Variants in ATG16L1 observed in about 807,000 individuals in gnomAD.
ATG16L1 encodes autophagy-related protein 16-1.
ATG16L1 carries 37 observed loss-of-function variants against 88.5 expected under a neutral mutation model. The ratio of observed to expected loss-of-function variants is 0.42; its 90% CI spans 0.32 to 0.55. ATG16L1 has a LOEUF of 0.55. ATG16L1 is among the 20% of genes least tolerant of loss of function. The pLI is 0.13. For missense variants in ATG16L1, 554 were observed against 752.8 expected, an observed-to-expected ratio of 0.74 and a Z score of 3.09; for synonymous variants, 301 against 281.0, an observed-to-expected ratio of 1.07 and a Z score of -0.71.
chr2:233,279,073 G>A (rs1698558249), intron 10 of ATG16L1, among the ~76,000 whole-genome samples: 1 of 152,178 alleles, frequency 6.6e-6, no homozygotes, highest in South Asian at 2.1e-4. Flanking sequence ...AGCTTCCTGG[G>A]AAGCTGAAGT....
intron 1 of ATG16L1, among the ~76,000 whole-genome samples, chr2:233,252,282 T>A (rs1443601325): frequency 6.6e-6 from 1 of 152,230 alleles, no homozygotes; most frequent in Non-Finnish European, 1.5e-5. Context: ...GGTCGTTGAC[T>A]TTCAGTCGCA....
chr2:233,293,274 G>A lies in ATG16L1; in HGVS notation c.1647G>A (p.Val549=). The A allele has an allele frequency of 5.6e-6, 9 of 1,614,162 alleles. No homozygotes were observed. Among genetic ancestry groups the A allele is most frequent in the Non-Finnish European group, 7.6e-6 (9 of 1,180,008 alleles). Residue 549 remains valine, a synonymous_variant, in exon 17 of 18, where the codon GTG becomes GTA. Coordinates refer to ENST00000392017, the MANE Select transcript of ATG16L1 (RefSeq NM_030803.7). ...TCTGTAGCCCTGATGGCAGTTACGT[G>A]GCGGCAGGCTCTGCTGAGGGCTCTC... ...RVVFSPDGSY[V]AAGSAEGSLY... is the part of the protein sequence containing the mutation.
intron 2 of ATG16L1, among the ~76,000 whole-genome samples, chr2:233,257,554 T>C (rs1249389894): frequency 6.6e-6 from 1 of 152,228 alleles, no homozygotes; most frequent in Non-Finnish European, 1.5e-5. Context: ...AGGTGAGATG[T>C]ATTGAATGTA....
chr2:233,290,465 C>T (rs1574906125), intron 14 of ATG16L1, 112 bp downstream of exon 14: 1 of 843,698 alleles, frequency 1.2e-6, no homozygotes, highest in East Asian at 2.5e-5. Flanking sequence ...AGTTTCGGTA[C>T]ACGTATAGTG....
At chr2:233,252,147 T>C (rs1696417910) in intron 1 of ATG16L1, among the ~76,000 whole-genome samples, 1 of 152,260 alleles carries the variant, frequency 6.6e-6, no homozygotes, top group African/African-American at 2.4e-5. Context: ...CCCTATTAAA[T>C]TGTACGATCT....
At chr2:233,253,332 G>GTGT (rs1696521168) in intron 1 of ATG16L1, among the ~76,000 whole-genome samples, 1 of 112,890 alleles carries the variant, frequency 8.9e-6, no homozygotes, top group African/African-American at 3.3e-5. Context: ...GTGAGACTGG[G>GTGT]TTTTTTTGTT....
intron 1 of ATG16L1, among the ~76,000 whole-genome samples, chr2:233,254,067 A>G (rs1427706744): frequency 2.0e-5 from 3 of 152,224 alleles, no homozygotes; most frequent in South Asian, 2.1e-4. Flanking sequence ...TGCTGTGCAT[A>G]TAAGTGCTTT....
chr2:233,260,097 T>G (rs1574846612), intron 2 of ATG16L1, among the ~76,000 whole-genome samples: 1 of 152,188 alleles, frequency 6.6e-6, no homozygotes, highest in Non-Finnish European at 1.5e-5. Context: ...TCCTTTCCCC[T>G]CCTTCCTGTC....
At chr2:233,264,690 T>C (rs1697449939) in intron 4 of ATG16L1, among the ~76,000 whole-genome samples, 1 of 152,186 alleles carries the variant, frequency 6.6e-6, no homozygotes, top group Admixed American at 6.5e-5. Context: ...TTCCTTCACA[T>C]CGTGTTTTTC....
At chr2:233,258,834 G>A (rs1034123841) in intron 2 of ATG16L1, among the ~76,000 whole-genome samples, 2 of 152,096 alleles carry the variant, frequency 1.3e-5, no homozygotes, top group African/African-American at 2.4e-5. Flanking sequence ...GTAGCTGGGA[G>A]ACTATAGGTG....
chr2:233,255,943 T>C (rs1188026400), intron 1 of ATG16L1, among the ~76,000 whole-genome samples, 159 bp from the exon 2 acceptor site: 1 of 152,218 alleles, frequency 6.6e-6, no homozygotes, highest in Non-Finnish European at 1.5e-5. Flanking sequence ...CAGCTCCCTT[T>C]AATAGGGAAG....
At chr2:233,273,588 G>T (rs1459990591) in intron 7 of ATG16L1, 133 bp from the exon 8 acceptor site, 2 of 803,072 alleles carry the variant, frequency 2.5e-6, no homozygotes, top group Admixed American at 4.6e-5. Flanking sequence ...ACTGTGTTGG[G>T]TTTCTCTTGG....
chr2:233,273,888 A>T, intron 8 of ATG16L1, 111 bp downstream of exon 8: 1 of 1,506,796 alleles, frequency 6.6e-7, no homozygotes, highest in Non-Finnish European at 9.1e-7. Context: ...TGCAGAGTAT[A>T]CATATGCCTT....
chr2:233,266,516 A>G (rs895160633), intron 5 of ATG16L1, among the ~76,000 whole-genome samples: 1 of 152,212 alleles, frequency 6.6e-6, no homozygotes, highest in Non-Finnish European at 1.5e-5. Context: ...TCCCCATATC[A>G]GTAGTTTCGA....
intron 2 of ATG16L1, among the ~76,000 whole-genome samples, chr2:233,261,793 A>G (rs981600194): frequency 2.0e-5 from 3 of 152,206 alleles, no homozygotes; most frequent in African/African-American, 7.2e-5. Context: ...CTCTCGAACT[A>G]TAAATCCACA....
At chr2:233,292,003 C>A in intron 14 of ATG16L1, 125 bp from the exon 15 acceptor site, 2 of 1,113,716 alleles carry the variant, frequency 1.8e-6, no homozygotes, top group Non-Finnish European at 2.6e-6. Context: ...AGACTGGGAA[C>A]ACATTGACTG....
intron 1 of ATG16L1, 93 bp from the exon 2 acceptor site, chr2:233,256,009 A>T: frequency 1.0e-6 from 1 of 974,592 alleles, no homozygotes; most frequent in Non-Finnish European, 1.6e-6. Flanking sequence ...ATGTTCCTGT[A>T]TTGCATCCTT....
intron 12 of ATG16L1, among the ~76,000 whole-genome samples, chr2:233,285,544 A>G (rs1003505620): frequency 3.9e-5 from 6 of 152,146 alleles, no homozygotes; most frequent in Non-Finnish European, 7.4e-5. Context: ...CTGGGGCAGG[A>G]GCCTCCTGTG....
At chr2:233,290,012 A>C (rs919515208) in intron 13 of ATG16L1, 38 bp downstream of exon 13, 7 of 1,605,330 alleles carry the variant, frequency 4.4e-6, no homozygotes, top group African/African-American at 2.7e-5. Context: ...GTATATGCTT[A>C]GATGTTAGCG....
Sources: gnomAD v4.1 joint callset for allele counts (sites outside exome capture counted in the v4.1 genomes callset) on GRCh38, gnomAD v4.1.1 for gene constraint, MANE v1.5 for transcripts, NCBI Gene and HGNC (gene_info 2026-07-23, HGNC 2026-07-21) for gene names.